The following TRPM5 variants were observed in gnomAD, a reference collection of about 807,000 sequenced individuals.
TRPM5 encodes the protein MLSN1 and TRP-related.
Under a neutral mutation model 124.9 loss-of-function variants are expected in TRPM5, and 121 were observed. That is an observed-to-expected ratio of 0.97 (90% CI 0.84 to 1.13). The LOEUF is 1.13. TRPM5 is among the 50% of genes most tolerant of loss of function. The probability of loss-of-function intolerance (pLI) is 0.00; values close to 1 mark genes in which losing one functional copy is unlikely to be tolerated. For synonymous variants in TRPM5, 781 were observed against 700.5 expected (o/e 1.11, Z -1.81); for missense variants, 1,643 against 1,589.1 (o/e 1.03, Z -0.58).
At chr11:2,422,780 G>A (rs934385322) in intron 1 of TRPM5, 140 bp downstream of exon 6, 3 of 740,930 alleles carry the variant, frequency 4.0e-6, no homozygotes, top group Middle Eastern at 2.8e-4. Flanking sequence ...CTGCCTGTCT[G>A]GGGGCTCTGA....
At chr11:2,416,559 C>T (rs923704727) in intron 7 of TRPM5, among the ~76,000 whole-genome samples, 9 of 152,208 alleles carry the variant, frequency 5.9e-5, no homozygotes, top group Admixed American at 1.3e-4. Context: ...CGTAAGACTA[C>T]GGTGCCTCTC....
At chr11:2,430,515 GTAA>G in the TRPM5 span, among the ~76,000 whole-genome samples, 1 of 151,036 alleles carries the variant, frequency 6.6e-6, no homozygotes, top group African/African-American at 2.4e-5. Flanking sequence ...GATGGTGGTA[GTAA>G]TGATGATGAT....
intron 15 of TRPM5, 98 bp from the exon 21 acceptor site, chr11:2,412,351 C>CGT: frequency 1.7e-6 from 1 of 588,008 alleles, no homozygotes. Flanking sequence ...ATCAGGGTTC[C>CGT]ATCTATGACC....
exon 24 of TRPM5, chr11:2,404,639 C>T: frequency 2.6e-6 from 1 of 378,184 alleles, no homozygotes; most frequent in Non-Finnish European, 4.8e-6. Flanking sequence ...CCAGCTTTTC[C>T]ACAGTGCAGG....
intron 7 of TRPM5, 94 bp downstream of exon 12, chr11:2,417,633 G>A (rs546246984): frequency 9.3e-6 from 9 of 971,306 alleles, no homozygotes; most frequent in South Asian, 3.0e-5. Flanking sequence ...GCGGCCGAGC[G>A]TCACAAACAT....
At chr11:2,415,317 A>G in exon 9 of TRPM5, 1 of 1,585,042 alleles carries the variant, frequency 6.3e-7, no homozygotes, top group Non-Finnish European at 8.5e-7. Context: ...CAGGTCGAAG[A>G]GCAGGCTCTT....
intron 18 of TRPM5, among the ~76,000 whole-genome samples, chr11:2,409,368 G>T (rs1049225268): frequency 6.6e-6 from 1 of 152,124 alleles, no homozygotes; most frequent in African/African-American, 2.4e-5. Flanking sequence ...TCTGATAAAG[G>T]CAGCTCTGAG....
At chr11:2,420,164 G>T in intron 4 of TRPM5, 58 bp downstream of exon 9, 1 of 1,529,022 alleles carries the variant, frequency 6.5e-7, no homozygotes, top group East Asian at 2.3e-5. Flanking sequence ...CCCACAGGCG[G>T]GTCCCTGGAT....
the TRPM5 span, among the ~76,000 whole-genome samples, chr11:2,443,082 C>G: frequency 6.6e-6 from 1 of 152,170 alleles, no homozygotes; most frequent in South Asian, 2.1e-4. This position sits in a 1 kb window ranked among gnomAD's most constrained non-coding sequence, Gnocchi z 5.0. Flanking sequence ...GATTTCAAGT[C>G]ATAGTTGGAA....
exon 19 of TRPM5, chr11:2,407,886 G>A (rs766582984): frequency 2.5e-6 from 4 of 1,613,852 alleles, no homozygotes; most frequent in Non-Finnish European, 2.5e-6. Flanking sequence ...AGCAGCAGTG[G>A]GTGGGTGGAG....
chr11:2,426,558 C>A (rs146079646), upstream of TRPM5, among the ~76,000 whole-genome samples: 2 of 152,078 alleles, frequency 1.3e-5, no homozygotes, highest in Non-Finnish European at 2.9e-5. Context: ...ACGGTGAAGG[C>A]GCTGGGGCTC....
At chr11:2,443,335 A>G in the TRPM5 span, among the ~76,000 whole-genome samples, 4 of 152,222 alleles carry the variant, frequency 2.6e-5, no homozygotes, top group African/African-American at 9.6e-5. This position sits in a 1 kb window ranked among gnomAD's most constrained non-coding sequence, Gnocchi z 5.0. Context: ...GACTCCATGC[A>G]GGTGTATGTA....
At chr11:2,411,453 A>T in exon 18 of TRPM5, 9 of 1,612,214 alleles carry the variant, frequency 5.6e-6, no homozygotes, top group Non-Finnish European at 7.6e-6. Flanking sequence ...GGGGTGCAGC[A>T]GCGCCTGGGT....
At chr11:2,406,528 G>A in intron 21 of TRPM5, 133 bp downstream of exon 26, 1 of 1,257,442 alleles carries the variant, frequency 8.0e-7, no homozygotes, top group Non-Finnish European at 1.1e-6. Flanking sequence ...AGGCCCCTGG[G>A]CTCGGCCAGA....
At position 2,411,768 on chromosome 11, in the gene TRPM5, C is replaced by T. The variant is rs1850457004; in HGVS notation, c.2475-1G>A. On this transcript the variant is annotated splice_acceptor_variant, in intron 16 of 23. Transcript: ENST00000155858. LOFTEE classifies it high-confidence loss of function. ...AGCCTCAAACGCCGACGGCAGCATC[C>T]TGGAGGATGGGAGGCTGATGCGGCT... 6.2e-7 allele frequency: 1 copy of T among 1,612,330 alleles called. No homozygotes were observed. The highest frequency in any genetic ancestry group is 1.3e-5 in the African/African-American group (1 of 74,896).
intron 21 of TRPM5, 53 bp downstream of exon 26, chr11:2,406,608 C>A (rs1007193895): frequency 1.9e-6 from 3 of 1,546,752 alleles, no homozygotes; most frequent in South Asian, 1.2e-5. Context: ...AATGGCACAT[C>A]CCCGCTTAAA....
At chr11:2,425,765 T>G (rs1565017453), upstream of TRPM5, among the ~76,000 whole-genome samples, 2 of 152,006 alleles carry the variant, frequency 1.3e-5, no homozygotes, top group Non-Finnish European at 2.9e-5. Context: ...GCCAGGCGTG[T>G]CCCCAGCACA....
At chr11:2,439,502 A>G in the TRPM5 span, among the ~76,000 whole-genome samples, 5 of 152,248 alleles carry the variant, frequency 3.3e-5, no homozygotes, top group Admixed American at 1.3e-4. Context: ...TAACCCCGTA[A>G]AAATTGCTCA....
At chr11:2,422,953 G>C (rs1413036448) in exon 1 of TRPM5, 2 of 1,613,184 alleles carry the variant, frequency 1.2e-6, no homozygotes, top group Admixed American at 1.7e-5. Context: ...CTCCAAAGTT[G>C]ACCTCGCCCC....
Sources: allele counts gnomAD v4.1 joint callset (sites outside exome capture counted in the v4.1 genomes callset), GRCh38; gene constraint gnomAD v4.1.1; non-coding constraint Gnocchi (gnomAD v3.1); transcripts MANE v1.5; gene names NCBI Gene and HGNC (gene_info 2026-07-23, HGNC 2026-07-21).